Variants in CDH4 observed in about 807,000 individuals in gnomAD.
The protein encoded by CDH4 is cadherin-4.
A neutral mutation model predicts 86.0 loss-of-function variants in CDH4; 33 were observed. The observed-to-expected ratio is 0.38, with a 90% confidence interval of 0.29 to 0.51. The LOEUF is 0.51. CDH4 is among the 20% of genes least tolerant of loss of function. CDH4 has a pLI of 0.86. For missense variants in CDH4, 1,114 were observed against 1,307.4 expected, an observed-to-expected ratio of 0.85 and a Z score of 2.28; for synonymous variants, 555 against 549.4, an observed-to-expected ratio of 1.01 and a Z score of -0.14.
At chr20:61,744,512 GGAGAGGA>G (rs1568791541) in intron 3 of CDH4, among the ~76,000 whole-genome samples, 3 of 32,442 alleles carry the variant, frequency 9.2e-5, no homozygotes, top group African/African-American at 3.5e-4. Flanking sequence ...GAAAGGGAGG[GGAGAGGA>G]AGAGAGGGAG....
chr20:61,888,854 A>T (rs1984661475), intron 7 of CDH4, among the ~76,000 whole-genome samples: 1 of 151,566 alleles, frequency 6.6e-6, no homozygotes, highest in South Asian at 2.1e-4. Flanking sequence ...AGAACTGGGG[A>T]GGTCATGGGA....
chr20:61,458,751 CAGT>C (rs2085424558), intron 2 of CDH4, among the ~76,000 whole-genome samples: 2 of 151,418 alleles, frequency 1.3e-5, no homozygotes, highest in Admixed American at 6.6e-5. Flanking sequence ...ACAATGGTGA[CAGT>C]GGTGGTAGTG....
At chr20:61,912,275 C>T (rs1190218498) in intron 9 of CDH4, among the ~76,000 whole-genome samples, 1 of 152,144 alleles carries the variant, frequency 6.6e-6, no homozygotes, top group East Asian at 1.9e-4. Context: ...GAAACATATC[C>T]CAAACTTCTC....
chr20:61,590,548 C>G (rs551074948), intron 2 of CDH4, among the ~76,000 whole-genome samples: 1 of 152,156 alleles, frequency 6.6e-6, no homozygotes, highest in African/African-American at 2.4e-5. Flanking sequence ...TGCTGCAGTC[C>G]GGAACAGTGG....
chr20:61,683,578 C>T (rs59121756), intron 2 of CDH4, among the ~76,000 whole-genome samples: 2,470 of 152,294 alleles, frequency 0.016, 65 homozygotes, highest in African/African-American at 0.057. Flanking sequence ...CCTCAGATCC[C>T]GCAGATGGGC....
intron 4 of CDH4, among the ~76,000 whole-genome samples, chr20:61,822,989 G>T (rs1046417799): frequency 6.6e-6 from 1 of 152,218 alleles, no homozygotes; most frequent in African/African-American, 2.4e-5. Context: ...GCAGGTGCAG[G>T]GAGAAGGAGA....
chr20:61,481,243 G>A (rs1350926326), intron 2 of CDH4, among the ~76,000 whole-genome samples: 1 of 152,196 alleles, frequency 6.6e-6, no homozygotes, highest in African/African-American at 2.4e-5. Flanking sequence ...GATGCTTTTG[G>A]AATTGAGGGA....
chr20:61,617,738 T>A (rs925330736), intron 2 of CDH4, among the ~76,000 whole-genome samples: 4 of 152,170 alleles, frequency 2.6e-5, no homozygotes, highest in Admixed American at 2.6e-4. Context: ...TAGAGAGGGA[T>A]ACCTGTGAAA....
chr20:61,482,054 G>A (rs1288936143), intron 2 of CDH4, among the ~76,000 whole-genome samples: 1 of 152,114 alleles, frequency 6.6e-6, no homozygotes, highest in Non-Finnish European at 1.5e-5. Flanking sequence ...AGCAAAATGG[G>A]CCCTGTTGCT....
Position 61,924,358 on chromosome 20 carries a change from G to A in CDH4, c.1653G>A (p.Ala551=), listed in dbSNP as rs372808555. 4.5e-4 allele frequency: 724 copies of A among 1,611,816 alleles called. 12 individuals carry two copies. The South Asian group carries it at 7.3e-3, about 16-fold the overall frequency. The change falls in exon 11 of 16, where the codon GCG becomes GCA. Residue 551 remains alanine, a synonymous_variant. Transcript: ENST00000614565. Reference sequence around the variant, plus strand: ...GATACTCAAAGCTGTCAGACCCAGCGAGCTGGCTGCACATCAATGCCACCA... The same window carrying A: ...GATACTCAAAGCTGTCAGACCCAGCAAGCTGGCTGCACATCAATGCCACCA... The part of the protein sequence containing the change: ...AVRYSKLSDP[A]SWLHINATNG...
At chr20:61,341,027 G>T (rs1051560247) in intron 2 of CDH4, among the ~76,000 whole-genome samples, 1 of 152,164 alleles carries the variant, frequency 6.6e-6, no homozygotes, top group Non-Finnish European at 1.5e-5. Context: ...CTTGCCGTCC[G>T]CTACACGAGG....
chr20:61,847,504 GC>G (rs1464690438), intron 5 of CDH4, among the ~76,000 whole-genome samples: 2 of 152,304 alleles, frequency 1.3e-5, no homozygotes, highest in African/African-American at 4.8e-5. Flanking sequence ...GGAATCCAGC[GC>G]CCCCACCACC....
chr20:61,277,991 G>A (rs933351589), intron 2 of CDH4, among the ~76,000 whole-genome samples: 8 of 152,206 alleles, frequency 5.3e-5, no homozygotes, highest in African/African-American at 1.9e-4. Flanking sequence ...CAGATTCAGA[G>A]CCTGCGTTAT....
intron 2 of CDH4, among the ~76,000 whole-genome samples, chr20:61,472,736 G>A (rs2085512135): frequency 6.6e-6 from 1 of 152,092 alleles, no homozygotes; most frequent in Non-Finnish European, 1.5e-5. Flanking sequence ...TATTAATTTA[G>A]TTTTTTGTGA....
At position 61,467,896 on chromosome 20, in the gene CDH4, C is replaced by T. The variant is rs111688680; in HGVS notation, c.169+212959C>T. Among the ~76,000 whole-genome samples the T allele has an allele frequency of 6.9e-3, 1,047 of 152,258 alleles. 12 individuals carry two copies. Among genetic ancestry groups the T allele is most frequent in the African/African-American group, 0.024 (991 of 41,554 alleles). ...CTGAAAGCTGTTATACTCATGGTTA[C>T]CATTTATTACAGGGAAAGGACCCCA... On this transcript the variant is annotated intron_variant, in intron 2 of 15. Coordinates refer to ENST00000614565, the MANE Select transcript of CDH4 (RefSeq NM_001794.5).
At chr20:61,631,178 G>A (rs2145787936) in intron 2 of CDH4, among the ~76,000 whole-genome samples, 1 of 152,354 alleles carries the variant, frequency 6.6e-6, no homozygotes, top group East Asian at 1.9e-4. Context: ...AGACAGCGTG[G>A]CTCCCCTGGA....
At chr20:61,473,262 T>C (rs2085516428) in intron 2 of CDH4, among the ~76,000 whole-genome samples, 1 of 152,242 alleles carries the variant, frequency 6.6e-6, no homozygotes, top group Admixed American at 6.5e-5. Context: ...CTCACTTTTA[T>C]CTTAATATGA....
chr20:61,477,519 G>A (rs1281627168), intron 2 of CDH4, among the ~76,000 whole-genome samples: 1 of 152,214 alleles, frequency 6.6e-6, no homozygotes, highest in Non-Finnish European at 1.5e-5. Flanking sequence ...CTGGAAGACA[G>A]AAGAGATGAG....
intron 2 of CDH4, among the ~76,000 whole-genome samples, chr20:61,334,859 A>G (rs1234726550): frequency 6.6e-6 from 1 of 152,194 alleles, no homozygotes; most frequent in Admixed American, 6.5e-5. Flanking sequence ...ATGGTGCTGG[A>G]TGTGCTGAGA....
Sources: allele counts gnomAD v4.1 joint callset (sites outside exome capture counted in the v4.1 genomes callset), GRCh38; gene constraint gnomAD v4.1.1; transcripts MANE v1.5; gene names NCBI Gene and HGNC (gene_info 2026-07-23, HGNC 2026-07-21).